ZNF350: variants seen among roughly 807,000 people sequenced by gnomAD.
ZNF350 encodes zinc finger protein 350, also known as KRAB zinc finger protein ZFQR.
ZNF350 carries 5 observed loss-of-function variants against 13.1 expected under a neutral mutation model. That is an observed-to-expected ratio of 0.38 (90% CI 0.20 to 0.80). The LOEUF is 0.80. Among genes scored for constraint, ZNF350 ranks in the 30% least tolerant of loss-of-function variants. The pLI is 0.43. For missense variants in ZNF350, 534 were observed against 644.2 expected (o/e 0.83, Z 1.85); for synonymous variants, 199 against 224.2 (o/e 0.89, Z 1.00).
At chr19:51,966,715 C>G (rs1042136929) in intron 4 of ZNF350, among the ~76,000 whole-genome samples, 9 of 150,766 alleles carry the variant, frequency 6.0e-5, no homozygotes, top group Non-Finnish European at 1.3e-4. Context: ...TGACATGATC[C>G]CGGCTCACTG....
chr19:51,972,203 T>A (rs143147558), intron 2 of ZNF350, among the ~76,000 whole-genome samples: 2,395 of 150,836 alleles, frequency 0.016, 72 homozygotes, highest in African/African-American at 0.056. Context: ...GGCTTATGCC[T>A]GTAATCCCAG....
At chr19:51,982,188 A>C (rs1003555443) in intron 1 of ZNF350, among the ~76,000 whole-genome samples, 3 of 151,958 alleles carry the variant, frequency 2.0e-5, no homozygotes, top group Non-Finnish European at 4.4e-5. Flanking sequence ...ATAAAATGCC[A>C]TTCACTGGAC....
At chr19:51,972,303 AAAAAAAGG>A (rs1419585352) in intron 2 of ZNF350, among the ~76,000 whole-genome samples, 1 of 151,616 alleles carries the variant, frequency 6.6e-6, no homozygotes, top group Non-Finnish European at 1.5e-5. Context: ...TAAAAAAAAA[AAAAAAAGG>A]AAAAAAGAAA....
At chr19:51,968,273 G>A (rs910783864) in intron 4 of ZNF350, among the ~76,000 whole-genome samples, 12 of 152,110 alleles carry the variant, frequency 7.9e-5, no homozygotes, top group East Asian at 5.8e-4. Flanking sequence ...GTGGAATTTC[G>A]TAACAAGAGA....
At position 51,966,019 on chromosome 19, in the gene ZNF350, T is replaced by C. The variant is rs779357309; in HGVS notation, c.434A>G (p.Gln145Arg). ...GTTCTTTATTTCATAGCCTTTGCTC[T>C]GGTTAACTAAAGTTAAATTGGATTT... is the stretch of plus-strand genomic sequence containing the variant. ...SLKSNLTLVN[Q>R]SKGYEIKNSV... The change falls in exon 5 of 5, where the codon CAG (glutamine) becomes CGG (arginine). Residue 145 changes from glutamine (Q) to arginine (R), a missense_variant. Transcript: ENST00000243644. 30 of 1,613,924 alleles carry C rather than the reference T, an allele frequency of 1.9e-5. No homozygotes were observed. Among genetic ancestry groups the C allele is most frequent in the Non-Finnish European group, 2.5e-5 (29 of 1,179,994 alleles).
At position 51,964,950 on chromosome 19, in the gene ZNF350, T is replaced by A. The variant is rs2278415; in HGVS notation, c.1503A>T (p.Arg501Ser). The A allele has an allele frequency of 0.14, 227,469 of 1,614,048 alleles. 17,043 individuals are homozygous for A. Among genetic ancestry groups the A allele is most frequent in the South Asian group, 0.24 (21,850 of 91,086 alleles). Residue 501 changes from arginine to serine, a missense_variant, in exon 5 of 5, where the codon AGA becomes AGT. By Grantham distance (110) the Arg-to-Ser change is moderately radical. Coordinates refer to ENST00000243644, the MANE Select transcript of ZNF350 (RefSeq NM_021632.4). ...VVRCAASGDN[R>S]GFAQDRNLVN... Reference sequence around the variant, plus strand: ...CAAGGTTTCTGTCCTGTGCAAATCCTCTGTTATCTCCTGAGGCTGCACATC... The same window carrying A: ...CAAGGTTTCTGTCCTGTGCAAATCCACTGTTATCTCCTGAGGCTGCACATC...
chr19:51,970,104 C>T (rs1398765544), intron 2 of ZNF350, among the ~76,000 whole-genome samples: 2 of 143,830 alleles, frequency 1.4e-5, no homozygotes. Flanking sequence ...TCCTCTTTCC[C>T]AGGCTGGAGT....
chr19:51,985,390 A>G (rs1049939029), intron 1 of ZNF350, among the ~76,000 whole-genome samples: 1 of 152,220 alleles, frequency 6.6e-6, no homozygotes, highest in Non-Finnish European at 1.5e-5. Flanking sequence ...AATTAATGTT[A>G]TTTTCAGGCG....
rs1392097401 is a variant in ZNF350, at chr19:51,976,110, T to C, written c.-171-1579A>G. Among the ~76,000 whole-genome samples, 16 of 148,972 alleles carry C rather than the reference T, an allele frequency of 1.1e-4. No individual in the cohort carries two copies. On this transcript the variant is annotated intron_variant, in intron 1 of 4. Coordinates refer to ENST00000243644, the MANE Select transcript of ZNF350 (RefSeq NM_021632.4). The surrounding 1 kb of genome is among the most constrained non-coding windows in gnomAD (Gnocchi z 4.5). ...CTGGACCCCTGGCGCCGTTATCTAC[T>C]GCGACATCTAGAGAATGCAGTCTTG...
Position 51,965,130 on chromosome 19 carries a change from C to T in ZNF350, c.1323G>A (p.Arg441=), listed in dbSNP as rs760565017. ...CATCACTGGTGTGTAATGAGCTGTG[C>T]CTCTCTGCAGGAGGATTTTCCACCT... ...AAKVENPPAE[R]HSSLHTSDVM... The change falls in exon 5 of 5, where the codon AGG becomes AGA. Residue 441 remains arginine, a synonymous_variant. Transcript: ENST00000243644. 6.2e-7 allele frequency: 1 copy of T among 1,614,180 alleles called. No homozygotes were observed. The highest frequency in any genetic ancestry group is 1.7e-5 in the Admixed American group (1 of 60,014).
At chr19:51,971,060 A>T (rs1210942646) in intron 2 of ZNF350, among the ~76,000 whole-genome samples, 1 of 152,206 alleles carries the variant, frequency 6.6e-6, no homozygotes, top group Non-Finnish European at 1.5e-5. Context: ...GACAATTAAG[A>T]CTACTTATCA....
At chr19:51,968,798 G>A (rs2085649983) in intron 3 of ZNF350, 125 bp from the exon 4 acceptor site, 2 of 1,413,802 alleles carry the variant, frequency 1.4e-6, no homozygotes, top group African/African-American at 2.9e-5. Flanking sequence ...TTTCTTATCT[G>A]AAACTATGAA....
In ZNF350 at chr19:51,965,462, T is replaced by G; in HGVS notation, c.991A>C (p.Thr331Pro). 6.2e-7 allele frequency: 1 copy of G among 1,614,072 alleles called. No individual in the cohort carries two copies. The highest frequency in any genetic ancestry group is 8.5e-7 in the Non-Finnish European group (1 of 1,180,022). Residue 331 changes from threonine to proline, a missense_variant, in exon 5 of 5, where the codon ACG (threonine) becomes CCG (proline). Physicochemically the swap from Thr to Pro is conservative, Grantham distance 38. Transcript: ENST00000243644. ...AATCTCTGATGTGCTATGAGACACGTCTTCTGAATGAAGCCTTTTCCACAT... is the reference window on the plus strand; with the variant it reads ...AATCTCTGATGTGCTATGAGACACGGCTTCTGAATGAAGCCTTTTCCACAT... ...NECGKGFIQKTCLIAHQRFHT... is the reference protein window; with the variant it reads ...NECGKGFIQKPCLIAHQRFHT...
intron 2 of ZNF350, among the ~76,000 whole-genome samples, chr19:51,970,928 A>G (rs2085719198): frequency 1.3e-5 from 2 of 152,268 alleles, no homozygotes; most frequent in Non-Finnish European, 2.9e-5. Flanking sequence ...AAATCATTAT[A>G]GCCAATAAAT....
chr19:51,979,912 C>T (rs1036347068), intron 1 of ZNF350, among the ~76,000 whole-genome samples: 1 of 152,154 alleles, frequency 6.6e-6, no homozygotes, highest in Non-Finnish European at 1.5e-5. Context: ...AGGCTTTAGC[C>T]CACCTCTTCC....
At chr19:51,970,954 G>A (rs558670215) in intron 2 of ZNF350, among the ~76,000 whole-genome samples, 1 of 152,342 alleles carries the variant, frequency 6.6e-6, no homozygotes, top group African/African-American at 2.4e-5. Flanking sequence ...AACAATAAAT[G>A]TAAGGTCCTC....
At chr19:51,978,301 AC>A (rs2085948751) in intron 1 of ZNF350, among the ~76,000 whole-genome samples, 1 of 152,110 alleles carries the variant, frequency 6.6e-6, no homozygotes, top group African/African-American at 2.4e-5. Context: ...GGGGAGACAA[AC>A]CTATTTGGGT....
At chr19:51,982,917 G>A (rs759147576) in intron 1 of ZNF350, among the ~76,000 whole-genome samples, 23 of 152,220 alleles carry the variant, frequency 1.5e-4, no homozygotes, top group African/African-American at 4.6e-4. Flanking sequence ...TAAGGGCGCC[G>A]TGGCTCACGC....
At chr19:51,966,286 T>C (rs2085567651) in intron 4 of ZNF350, 72 bp from the exon 5 acceptor site, 76 of 1,469,202 alleles carry the variant, frequency 5.2e-5, no homozygotes, top group Non-Finnish European at 6.8e-5. Flanking sequence ...TTTTTGTTTT[T>C]TTTGTTTTTT....
Sources: gnomAD v4.1 joint callset for allele counts (sites outside exome capture counted in the v4.1 genomes callset) on GRCh38, gnomAD v4.1.1 for gene constraint, Gnocchi (gnomAD v3.1) non-coding constraint, MANE v1.5 for transcripts, NCBI Gene and HGNC (gene_info 2026-07-23, HGNC 2026-07-21) for gene names.